Variants in STAT1 observed in about 807,000 individuals in gnomAD.
STAT1 encodes the protein signal transducer and activator of transcription 1.
STAT1 carries 24 observed loss-of-function variants against 111.7 expected under a neutral mutation model. The observed-to-expected ratio is 0.21, with a 90% CI of 0.16 to 0.30. The LOEUF is 0.30. STAT1 is among the 10% of genes least tolerant of loss of function. STAT1 has a pLI of 1.00. For synonymous variants in STAT1, 332 were observed against 326.5 expected, an observed-to-expected ratio of 1.02 and a Z score of -0.18; for missense variants, 351 against 911.9, an observed-to-expected ratio of 0.38 and a Z score of 7.92.
Position 190,977,585 on chromosome 2 carries a change from A to G in STAT1, c.1874-560T>C, listed in dbSNP as rs1489891171. Among the ~76,000 whole-genome samples the G allele has an allele frequency of 1.3e-5, 2 of 152,252 alleles. No individual in the cohort carries two copies. Among genetic ancestry groups the G allele is most frequent in the Admixed American group, 1.3e-4 (2 of 15,288 alleles). ...CCGTTCTTATTCCCAGACTGAATTC[A>G]GATCCTTCTTCCTAGCTGATACAGA... On this transcript the variant is annotated intron_variant, in intron 21 of 24. Coordinates refer to ENST00000361099, the MANE Select transcript of STAT1 (RefSeq NM_007315.4). The surrounding 1 kb of genome is among the most constrained non-coding windows in gnomAD (Gnocchi z 4.7).
In STAT1 at chr2:190,995,152, G is replaced by A; in HGVS notation, c.853C>T (p.Gln285Ter). Residue 285 changes from glutamine (Q) to a stop codon, truncating the protein, a stop_gained, in exon 10 of 25, where the codon CAG (glutamine) becomes TAG (stop). Transcript: ENST00000361099. LOFTEE classifies it high-confidence loss of function. This position sits in a 1 kb window ranked among gnomAD's most constrained non-coding sequence, Gnocchi z 4.2. The part of the protein sequence containing the change: ...QQLKKLEELE[Q>*]KYTYEHDPIT... ...GGGTCATGTTCGTAGGTGTATTTCTGTTCCAATTCCTCCAACTTTTTAAGC... is the reference window on the plus strand; with the variant it reads ...GGGTCATGTTCGTAGGTGTATTTCTATTCCAATTCCTCCAACTTTTTAAGC... 6.2e-7 allele frequency: 1 copy of A among 1,613,866 alleles called. No homozygotes were observed. Among genetic ancestry groups the A allele is most frequent in the Non-Finnish European group, 8.5e-7 (1 of 1,179,954 alleles).
chr2:190,986,613 C>A lies in STAT1; in HGVS notation c.1221+241G>T, dbSNP rs1291509925. ...CAAGTGCAAATCATTTACGTAAACACAGGCTTAGGAAATATTTTTACTGCA... is the reference window on the plus strand; with the variant it reads ...CAAGTGCAAATCATTTACGTAAACAAAGGCTTAGGAAATATTTTTACTGCA... On this transcript the variant is annotated intron_variant, in intron 14 of 24. Coordinates refer to ENST00000361099, the MANE Select transcript of STAT1 (RefSeq NM_007315.4). This position sits in a 1 kb window ranked among gnomAD's most constrained non-coding sequence, Gnocchi z 5.0. Among the ~76,000 whole-genome samples the A allele has an allele frequency of 2.0e-5, 3 of 152,192 alleles. No individual in the cohort carries two copies. Among genetic ancestry groups the A allele is most frequent in the Admixed American group, 2.0e-4 (3 of 15,286 alleles).
chr2:190,985,881 T>C (rs1312919136), intron 14 of STAT1, among the ~76,000 whole-genome samples: 1 of 152,234 alleles, frequency 6.6e-6, no homozygotes, highest in Non-Finnish European at 1.5e-5. Flanking sequence ...GAGGGATCTC[T>C]TGGAATCACA....
rs1694037976 is a variant in STAT1, at chr2:190,998,712, T to C, written c.542-404A>G. Reference sequence around the variant, plus strand: ...AAAAACAAAAAAAACTTGTTTTCAGTGACCCATGTAAATCAGACATAGTAG... The same window carrying C: ...AAAAACAAAAAAAACTTGTTTTCAGCGACCCATGTAAATCAGACATAGTAG... On this transcript the variant is annotated intron_variant, in intron 7 of 24. Transcript: ENST00000361099. The surrounding 1 kb of genome is among the most constrained non-coding windows in gnomAD (Gnocchi z 4.1). 1.3e-5 allele frequency among the ~76,000 whole-genome samples: 2 copies of C among 151,084 alleles called. No individual in the cohort carries two copies. The highest frequency in any genetic ancestry group is 2.1e-4 in the South Asian group (1 of 4,808).
Position 190,987,204 on chromosome 2 carries a change from A to G in STAT1, c.1098-136T>C. 1.4e-6 allele frequency: 1 copy of G among 731,866 alleles called. No homozygotes were observed. The allele number at this position is 731,866 out of a possible 1,614,324, so 45.3% of individuals were successfully genotyped here. A position where few individuals can be genotyped will look rare whatever the true frequency, so the allele number is the denominator to read the frequency against. On this transcript the variant is annotated intron_variant, in intron 12 of 24. Coordinates refer to ENST00000361099, the MANE Select transcript of STAT1 (RefSeq NM_007315.4). The surrounding 1 kb of genome is among the most constrained non-coding windows in gnomAD (Gnocchi z 4.0). ...AATAAATCTACACCTATGGATTTGCAGCCTTTCATTCACTCCCTGCTTCCA... is the reference window on the plus strand; with the variant it reads ...AATAAATCTACACCTATGGATTTGCGGCCTTTCATTCACTCCCTGCTTCCA...
Position 190,980,639 on chromosome 2 carries a change from G to A in STAT1, c.1613C>T (p.Pro538Leu), listed in dbSNP as rs1803838. 3.7e-6 allele frequency: 6 copies of A among 1,614,146 alleles called. No homozygotes were observed. The highest frequency in any genetic ancestry group is 1.7e-5 in the Admixed American group (1 of 60,012). ...CCTCACCTTACAAAACCTCGTCCAC[G>A]GAATGAGACCATCGGGGCTGGCGTT... is the stretch of plus-strand genomic sequence containing the variant. Reference protein sequence around the residue: ...GPNASPDGLIPWTRFCKENIN... With the variant: ...GPNASPDGLILWTRFCKENIN... Residue 538 changes from proline (P) to leucine (L), a missense_variant, in exon 19 of 25, where the codon CCG becomes CTG. Physicochemically the swap from Pro to Leu is moderately conservative, Grantham distance 98 (BLOSUM62 -3). This residue lies in a region of STAT1 where 181 missense variants were observed against 426.1 expected (regional missense o/e 0.42). Transcript: ENST00000361099. The surrounding 1 kb of genome is among the most constrained non-coding windows in gnomAD (Gnocchi z 6.1).
In STAT1 at chr2:191,004,421, G is replaced by A. The variant is rs1314932095; in HGVS notation, c.372+3142C>T. 1.3e-5 allele frequency among the ~76,000 whole-genome samples: 2 copies of A among 152,196 alleles called. No individual in the cohort carries two copies. The highest frequency in any genetic ancestry group is 2.4e-5 in the African/African-American group (1 of 41,452). ...CAAAGAAAAGTCTTCTGCTCAGGAA[G>A]GGGGTCCTTTCCAATGGAGTGAGCA... On this transcript the variant is annotated intron_variant, in intron 5 of 24. Coordinates refer to ENST00000361099, the MANE Select transcript of STAT1 (RefSeq NM_007315.4). This position sits in a 1 kb window ranked among gnomAD's most constrained non-coding sequence, Gnocchi z 5.0.
chr2:191,004,363 T>C lies in STAT1; in HGVS notation c.372+3200A>G, dbSNP rs909835729. On this transcript the variant is annotated intron_variant, in intron 5 of 24. Transcript: ENST00000361099. This position sits in a 1 kb window ranked among gnomAD's most constrained non-coding sequence, Gnocchi z 5.0. ...CTACTGTACCTCTAGAGACCTTGTTTGGATGGGAACTTGGTTACTCCAGAC... is the reference window on the plus strand; with the variant it reads ...CTACTGTACCTCTAGAGACCTTGTTCGGATGGGAACTTGGTTACTCCAGAC... 1.3e-5 allele frequency among the ~76,000 whole-genome samples: 2 copies of C among 152,214 alleles called. No individual in the cohort carries two copies. The highest frequency in any genetic ancestry group is 4.8e-5 in the African/African-American group (2 of 41,446).
chr2:190,988,019 G>T (rs1378344757), intron 12 of STAT1, among the ~76,000 whole-genome samples: 1 of 152,250 alleles, frequency 6.6e-6, no homozygotes, highest in African/African-American at 2.4e-5. Context: ...ATGGTAAACT[G>T]CAATGGCAAC....
rs750145069 is a variant in STAT1 at position 190,986,616 on chromosome 2, G to A, written c.1221+238C>T. On this transcript the variant is annotated intron_variant, in intron 14 of 24. Coordinates refer to ENST00000361099, the MANE Select transcript of STAT1 (RefSeq NM_007315.4). This position sits in a 1 kb window ranked among gnomAD's most constrained non-coding sequence, Gnocchi z 5.0. ...GTGCAAATCATTTACGTAAACACAG[G>A]CTTAGGAAATATTTTTACTGCAAGT... 1.3e-5 allele frequency among the ~76,000 whole-genome samples: 2 copies of A among 152,174 alleles called. No individual in the cohort carries two copies. Among genetic ancestry groups the A allele is most frequent in the Non-Finnish European group, 2.9e-5 (2 of 68,034 alleles).
In STAT1 at chr2:191,003,858, T is replaced by G. The variant is rs892049880; in HGVS notation, c.373-2695A>C. ...TTTGTAACAGCTGGGACACTACACC[T>G]AGAGAGAGGGACCAGGCCACTGGAG... On this transcript the variant is annotated intron_variant, in intron 5 of 24. Coordinates refer to ENST00000361099, the MANE Select transcript of STAT1 (RefSeq NM_007315.4). The surrounding 1 kb of genome is among the most constrained non-coding windows in gnomAD (Gnocchi z 4.0). Among the ~76,000 whole-genome samples the G allele has an allele frequency of 2.6e-5, 4 of 152,098 alleles. No individual in the cohort carries two copies. Among genetic ancestry groups the G allele is most frequent in the African/African-American group, 9.7e-5 (4 of 41,396 alleles).
rs1691824743 is a variant in STAT1, at chr2:190,975,337, C to T, written c.2136-405G>A. 2 of 482,788 alleles carry T rather than the reference C, an allele frequency of 4.1e-6. No homozygotes were observed. Among genetic ancestry groups the T allele is most frequent in the African/African-American group, 2.0e-5 (1 of 50,556 alleles). The allele number at this position is 482,788 out of a possible 1,614,324, so 29.9% of individuals were successfully genotyped here. On this transcript the variant is annotated intron_variant, in intron 23 of 24. Transcript: ENST00000361099. The surrounding 1 kb of genome is among the most constrained non-coding windows in gnomAD (Gnocchi z 5.9). Reference sequence around the variant, plus strand: ...TGAGGTTTGAATGCAGATAAAGCTGCTCCACACAGTGTTTTTACATGAAGG... The same window carrying T: ...TGAGGTTTGAATGCAGATAAAGCTGTTCCACACAGTGTTTTTACATGAAGG...
rs1341062394 is a variant in STAT1, at chr2:191,007,874, G to A, written c.274-213C>T. The A allele has an allele frequency of 1.0e-5, 6 of 587,554 alleles. No homozygotes were observed. Among genetic ancestry groups the A allele is most frequent in the African/African-American group, 5.6e-5 (3 of 53,414 alleles). 36.4% of individuals were successfully genotyped at this position (587,554 alleles called of 1,614,324 possible). A position where few individuals can be genotyped will look rare whatever the true frequency, so the allele number is the denominator to read the frequency against. ...AACTTTCTAAGTGCAGGTACCTAACGTACTTTTTGATTTAAAAACAAGTAT... is the reference window on the plus strand; with the variant it reads ...AACTTTCTAAGTGCAGGTACCTAACATACTTTTTGATTTAAAAACAAGTAT... On this transcript the variant is annotated intron_variant, in intron 4 of 24. Coordinates refer to ENST00000361099, the MANE Select transcript of STAT1 (RefSeq NM_007315.4). This position sits in a 1 kb window ranked among gnomAD's most constrained non-coding sequence, Gnocchi z 4.2.
Position 191,006,156 on chromosome 2 carries a change from T to C in STAT1, c.372+1407A>G, listed in dbSNP as rs1313244554. Among the ~76,000 whole-genome samples the C allele has an allele frequency of 6.6e-6, 1 of 152,202 alleles. No homozygotes were observed. Among genetic ancestry groups the C allele is most frequent in the Non-Finnish European group, 1.5e-5 (1 of 68,038 alleles). On this transcript the variant is annotated intron_variant, in intron 5 of 24. Coordinates refer to ENST00000361099, the MANE Select transcript of STAT1 (RefSeq NM_007315.4). The surrounding 1 kb of genome is among the most constrained non-coding windows in gnomAD (Gnocchi z 4.6). Reference sequence around the variant, plus strand: ...TTGCTCCTGGCTGTCCTTTCAAGTCTATTAGAAATACAGAGGAGGCCCACG... The same window carrying C: ...TTGCTCCTGGCTGTCCTTTCAAGTCCATTAGAAATACAGAGGAGGCCCACG...
Position 191,007,758 on chromosome 2 carries a change from G to A in STAT1, c.274-97C>T. Reference sequence around the variant, plus strand: ...ATATGAATTTGTTTATATTCTCCGGGAAACCTCATCTCTCATCTATTAAAT... The same window carrying A: ...ATATGAATTTGTTTATATTCTCCGGAAAACCTCATCTCTCATCTATTAAAT... On this transcript the variant is annotated intron_variant, in intron 4 of 24. Transcript: ENST00000361099. The surrounding 1 kb of genome is among the most constrained non-coding windows in gnomAD (Gnocchi z 4.2). 1.1e-6 allele frequency: 1 copy of A among 886,716 alleles called. No individual in the cohort carries two copies. The highest frequency in any genetic ancestry group is 1.4e-5 in the South Asian group (1 of 73,120). The allele number at this position is 886,716 out of a possible 1,614,324, so 54.9% of individuals were successfully genotyped here.
At position 190,983,769 on chromosome 2, in the gene STAT1, T is replaced by C. The variant is rs370882383; in HGVS notation, c.1348-29A>G. On this transcript the variant is annotated intron_variant, in intron 16 of 24. Transcript: ENST00000361099. This position sits in a 1 kb window ranked among gnomAD's most constrained non-coding sequence, Gnocchi z 5.7. ...AAGGATGACAAAGACCTTGAAATCA[T>C]CTGAATCACAGAAATGTCACCTTCA... 1.1e-5 allele frequency: 17 copies of C among 1,588,348 alleles called. No homozygotes were observed. In the African/African-American group the frequency reaches 1.6e-4, roughly 15 times the overall value.
intron 2 of STAT1, among the ~76,000 whole-genome samples, chr2:191,010,815 T>G (rs1385724647): frequency 6.6e-6 from 1 of 152,236 alleles, no homozygotes; most frequent in Non-Finnish European, 1.5e-5. Flanking sequence ...AAGTAACACT[T>G]AGCTTTTTGG....
In STAT1 at chr2:190,997,780, CA is replaced by C; in HGVS notation, c.785+75del. The C allele has an allele frequency of 6.2e-7, 1 of 1,604,554 alleles. No homozygotes were observed. Among genetic ancestry groups the C allele is most frequent in the Non-Finnish European group, 8.5e-7 (1 of 1,175,092 alleles). On this transcript the variant is annotated intron_variant, in intron 9 of 24. Transcript: ENST00000361099. The surrounding 1 kb of genome is among the most constrained non-coding windows in gnomAD (Gnocchi z 7.3). The stretch of plus-strand genomic sequence containing the variant: ...GTTTTGACAGGGTCCATTCAACTAA[CA>C]CAGCTCAAAGGTACATTTATGTGTT...
rs1695178015 is a variant in STAT1, at chr2:191,012,129, T to G, written c.-2+1396A>C. 6.6e-6 allele frequency among the ~76,000 whole-genome samples: 1 copy of G among 151,648 alleles called. No individual in the cohort carries two copies. Among genetic ancestry groups the G allele is most frequent in the African/African-American group, 2.4e-5 (1 of 41,342 alleles). On this transcript the variant is annotated intron_variant, in intron 2 of 24. Transcript: ENST00000361099. The surrounding 1 kb of genome is among the most constrained non-coding windows in gnomAD (Gnocchi z 4.0). ...AAGAGGTGAATTAATAAGCTCATGT[T>G]TGGGCTGGCCAGGTGGCTCACGCCT...
Sources: allele counts gnomAD v4.1 joint callset (sites outside exome capture counted in the v4.1 genomes callset), GRCh38; gene constraint gnomAD v4.1.1; regional missense constraint gnomAD v4.1.1; non-coding constraint Gnocchi (gnomAD v3.1); transcripts MANE v1.5; gene names NCBI Gene and HGNC (gene_info 2026-07-23, HGNC 2026-07-21).